SLC25A48: variants seen among roughly 807,000 people sequenced by gnomAD.
SLC25A48 encodes the protein solute carrier family 25 member 48.
SLC25A48 carries 29 observed loss-of-function variants against 32.2 expected under a neutral mutation model. That is an observed-to-expected ratio of 0.90 (90% confidence interval 0.67 to 1.23). SLC25A48 has a LOEUF of 1.23. SLC25A48 is among the 50% of genes most tolerant of loss of function. SLC25A48 has a pLI of 0.00. For missense variants in SLC25A48, 399 were observed against 422.7 expected (o/e 0.94, Z 0.49); for synonymous variants, 164 against 172.3 (o/e 0.95, Z 0.38).
At chr5:135,659,473 C>A (rs1753335519) in intron 3 of SLC25A48, among the ~76,000 whole-genome samples, 2 of 152,238 alleles carry the variant, frequency 1.3e-5, no homozygotes, top group African/African-American at 4.8e-5. Flanking sequence ...CTAGGAAATT[C>A]CGAACCTTTC....
chr5:135,704,673 G>T (rs1754468380), intron 3 of SLC25A48, among the ~76,000 whole-genome samples: 1 of 152,124 alleles, frequency 6.6e-6, no homozygotes, highest in Non-Finnish European at 1.5e-5. Flanking sequence ...AAGTCTTGGG[G>T]GTAGATATTA....
chr5:135,734,831 AAAAAAG>A (rs1383096848), intron 3 of SLC25A48, among the ~76,000 whole-genome samples: 2 of 140,702 alleles, frequency 1.4e-5, no homozygotes, highest in Non-Finnish European at 3.1e-5. Context: ...CAAAAAAAAA[AAAAAAG>A]AAGAAGAAGA....
chr5:135,822,484 C>A (rs1561509839), intron 4 of SLC25A48, among the ~76,000 whole-genome samples: 1 of 152,154 alleles, frequency 6.6e-6, no homozygotes, highest in Non-Finnish European at 1.5e-5. Flanking sequence ...TGTGATGATG[C>A]AATTCTTGAT....
chr5:135,644,616 C>T (rs1397778264), intron 3 of SLC25A48, among the ~76,000 whole-genome samples: 3 of 152,096 alleles, frequency 2.0e-5, no homozygotes, highest in Admixed American at 6.6e-5. Flanking sequence ...AACTGAAGCT[C>T]GGAGAGGTTA....
chr5:135,748,156 G>A (rs1284388253), intron 3 of SLC25A48, among the ~76,000 whole-genome samples: 1 of 152,178 alleles, frequency 6.6e-6, no homozygotes, highest in Non-Finnish European at 1.5e-5. Context: ...TCTTACAGGT[G>A]ATAAGATGGC....
intron 3 of SLC25A48, among the ~76,000 whole-genome samples, chr5:135,761,967 G>T (rs569137944): frequency 6.6e-6 from 1 of 152,320 alleles, no homozygotes; most frequent in Admixed American, 6.5e-5. Flanking sequence ...GCTGGAAAGG[G>T]ACTGTGCTGC....
intron 3 of SLC25A48, among the ~76,000 whole-genome samples, chr5:135,692,695 T>C (rs933493258): frequency 6.6e-6 from 1 of 152,188 alleles, no homozygotes; most frequent in South Asian, 2.1e-4. Context: ...CTTAATCTCT[T>C]TGGAAAAAGT....
chr5:135,590,276 C>T (rs1751487200), intron 1 of SLC25A48, among the ~76,000 whole-genome samples: 1 of 152,182 alleles, frequency 6.6e-6, no homozygotes, highest in African/African-American at 2.4e-5. Context: ...TCTCCTTCAC[C>T]CCATCAATGT....
intron 3 of SLC25A48, among the ~76,000 whole-genome samples, chr5:135,795,798 T>C (rs10077045): frequency 0.66 from 98,353 of 150,034 alleles, 34,198 homozygotes; most frequent in Non-Finnish European, 0.77. Flanking sequence ...GACTCCCCTG[T>C]TACATGGTTC....
At chr5:135,868,961 G>C (rs946528320) in intron 4 of SLC25A48, among the ~76,000 whole-genome samples, 2 of 152,070 alleles carry the variant, frequency 1.3e-5, no homozygotes, top group Non-Finnish European at 2.9e-5. Context: ...TTAGACACTG[G>C]GACAATTATA....
Position 135,879,605 on chromosome 5 carries a change from A to AGTGTGTGT in SLC25A48, c.814-362_814-361insTGTGTGTG, listed in dbSNP as rs745668429. ...CGAGGAGAGAGAGAGAGAGAGAGAG[A>AGTGTGTGT]GAGAGAGTGTGTGTGTGTGTGTGTG... is the stretch of plus-strand genomic sequence containing the variant. On this transcript the variant is annotated intron_variant, in intron 6 of 7. Transcript: ENST00000681962. Among the ~76,000 whole-genome samples, 1,137 of 135,096 alleles carry AGTGTGTGT rather than the reference A, an allele frequency of 8.4e-3. 7 individuals are homozygous for AGTGTGTGT. The highest frequency in any genetic ancestry group is 0.018 in the Middle Eastern group (5 of 278). 88.6% of individuals were successfully genotyped at this position (135,096 alleles called of 152,430 possible).
At chr5:135,656,450 C>T (rs553092256) in intron 3 of SLC25A48, among the ~76,000 whole-genome samples, 18 of 152,292 alleles carry the variant, frequency 1.2e-4, no homozygotes, top group African/African-American at 4.3e-4. Context: ...GGTCTGCTAA[C>T]TTTCTGCCAT....
chr5:135,639,268 AGC>A (rs1752778701), intron 3 of SLC25A48, among the ~76,000 whole-genome samples: 1 of 152,250 alleles, frequency 6.6e-6, no homozygotes, highest in African/African-American at 2.4e-5. Flanking sequence ...GCTATAGTAC[AGC>A]AAGGGAGATG....
At chr5:135,625,110 C>T (rs922913884) in intron 1 of SLC25A48, among the ~76,000 whole-genome samples, 2 of 151,916 alleles carry the variant, frequency 1.3e-5, no homozygotes, top group African/African-American at 2.4e-5. Context: ...GAAGAAGGAG[C>T]GGTTTCCCTG....
At chr5:135,880,146 C>T (rs988112533) in intron 7 of SLC25A48, 49 bp downstream of exon 7, 31 of 1,301,040 alleles carry the variant, frequency 2.4e-5, no homozygotes, top group Non-Finnish European at 2.9e-5. Flanking sequence ...GAACTTGAAA[C>T]TTTTTTTTTT....
intron 3 of SLC25A48, among the ~76,000 whole-genome samples, chr5:135,685,310 T>C (rs1172319164): frequency 6.6e-6 from 1 of 150,576 alleles, no homozygotes; most frequent in Non-Finnish European, 1.5e-5. Context: ...TTTTATATAT[T>C]ATGAAATTTT....
chr5:135,731,193 G>A (rs976344564), intron 3 of SLC25A48, among the ~76,000 whole-genome samples: 1 of 152,030 alleles, frequency 6.6e-6, no homozygotes, highest in Non-Finnish European at 1.5e-5. Flanking sequence ...GCTGGTAGGG[G>A]TGGGGGTCAT....
chr5:135,778,208 C>A (rs933454615), intron 3 of SLC25A48, among the ~76,000 whole-genome samples: 2 of 150,930 alleles, frequency 1.3e-5, no homozygotes. Flanking sequence ...TATCGCAGGG[C>A]GTGTACACCC....
chr5:135,801,147 A>T (rs994056035), intron 3 of SLC25A48, among the ~76,000 whole-genome samples: 1 of 150,840 alleles, frequency 6.6e-6, no homozygotes, highest in African/African-American at 2.4e-5. Context: ...TACTCCCAAT[A>T]TCACAGAAGG....
Sources: allele counts gnomAD v4.1 joint callset (sites outside exome capture counted in the v4.1 genomes callset), GRCh38; gene constraint gnomAD v4.1.1; transcripts MANE v1.5; gene names NCBI Gene and HGNC (gene_info 2026-07-23, HGNC 2026-07-21).